Variants in GARIN2 observed in about 807,000 individuals in gnomAD.
The protein encoded by GARIN2 is golgi associated RAB2 interactor family member 2.
the GARIN2 span, chr14:67,198,087 T>C: frequency 6.6e-7 from 1 of 1,524,116 alleles, no homozygotes; most frequent in Non-Finnish European, 8.8e-7. Flanking sequence ...AACTTAATTA[T>C]GATATTAAAT....
the GARIN2 span, among the ~76,000 whole-genome samples, chr14:67,195,051 G>A: frequency 6.6e-6 from 1 of 152,186 alleles, no homozygotes. Context: ...GGGGTGAGGG[G>A]TGTAGTGCAC....
the GARIN2 span, chr14:67,221,915 C>T: frequency 7.3e-7 from 1 of 1,367,370 alleles, no homozygotes; most frequent in East Asian, 2.4e-5. Flanking sequence ...TTCAGCTAGA[C>T]TTTTTGATGC....
At chr14:67,208,141 A>C in the GARIN2 span, 6 of 1,593,910 alleles carry the variant, frequency 3.8e-6, no homozygotes, top group Middle Eastern at 2.1e-4. Context: ...ACTGTTCCAC[A>C]AACACCTATT....
the GARIN2 span, among the ~76,000 whole-genome samples, chr14:67,227,145 G>GA: frequency 6.6e-6 from 1 of 152,022 alleles, no homozygotes. Flanking sequence ...TTATTAAATT[G>GA]AAAAATTTGC....
the GARIN2 span, chr14:67,225,315 C>G: frequency 1.5e-4 from 194 of 1,284,400 alleles, no homozygotes; most frequent in African/African-American, 2.8e-3. Flanking sequence ...AGCTATGATA[C>G]TGTCACACAA....
At chr14:67,212,033 AACC>A in the GARIN2 span, among the ~76,000 whole-genome samples, 1 of 152,140 alleles carries the variant, frequency 6.6e-6, no homozygotes, top group Non-Finnish European at 1.5e-5. Context: ...ATGTAATCTT[AACC>A]ACTGTGAAGA....
the GARIN2 span, among the ~76,000 whole-genome samples, chr14:67,219,176 A>G: frequency 6.6e-6 from 1 of 152,176 alleles, no homozygotes; most frequent in Non-Finnish European, 1.5e-5. Flanking sequence ...AGCAACTCCC[A>G]AAACTAGGCT....
At chr14:67,221,707 A>G in the GARIN2 span, 13 of 1,581,848 alleles carry the variant, frequency 8.2e-6, no homozygotes, top group African/African-American at 1.1e-4. Flanking sequence ...GTTATTTTAT[A>G]TCTAGTAGAT....
the GARIN2 span, among the ~76,000 whole-genome samples, chr14:67,222,821 G>A: frequency 2.0e-5 from 3 of 151,710 alleles, no homozygotes; most frequent in African/African-American, 7.3e-5. Context: ...AGAACACTAT[G>A]GAAGGAACAT....
chr14:67,199,127 G>A, the GARIN2 span: 1 of 1,410,862 alleles, frequency 7.1e-7, no homozygotes, highest in Non-Finnish European at 1.0e-6. Flanking sequence ...GCCTGAATGA[G>A]AAGGTTAGTG....
At chr14:67,210,223 C>T in the GARIN2 span, among the ~76,000 whole-genome samples, 1 of 152,042 alleles carries the variant, frequency 6.6e-6, no homozygotes, top group African/African-American at 2.4e-5. Flanking sequence ...AATGGCTAAC[C>T]AGGAAATAGT....
At chr14:67,203,400 C>A in the GARIN2 span, 1 of 855,736 alleles carries the variant, frequency 1.2e-6, no homozygotes, top group Non-Finnish European at 1.7e-6. Context: ...GAGCATGTTA[C>A]TCGCACTCCC....
the GARIN2 span, among the ~76,000 whole-genome samples, chr14:67,193,187 CATCT>C: frequency 2.7e-3 from 331 of 121,154 alleles, 1 homozygote; most frequent in Non-Finnish European, 3.0e-3. Flanking sequence ...TCTATATAGA[CATCT>C]ATCTATATAT....
the GARIN2 span, among the ~76,000 whole-genome samples, chr14:67,225,696 C>T: frequency 6.6e-6 from 1 of 152,126 alleles, no homozygotes; most frequent in Non-Finnish European, 1.5e-5. Context: ...CTTGTACACA[C>T]CATACACACT....
At chr14:67,213,788 A>G in the GARIN2 span, among the ~76,000 whole-genome samples, 1 of 152,220 alleles carries the variant, frequency 6.6e-6, no homozygotes, top group Admixed American at 6.5e-5. Flanking sequence ...CCAATAGTGT[A>G]AAAGTGTTCC....
chr14:67,213,095 G>GTTTTT, the GARIN2 span, among the ~76,000 whole-genome samples: 1 of 135,682 alleles, frequency 7.4e-6, no homozygotes, highest in African/African-American at 2.6e-5. Context: ...ATTCTGTGGT[G>GTTTTT]TTTTTTTTTT....
the GARIN2 span, chr14:67,199,295 C>G: frequency 6.2e-6 from 10 of 1,603,900 alleles, no homozygotes; most frequent in Non-Finnish European, 8.5e-6. Flanking sequence ...CATGATCAGA[C>G]TCTATGGGAA....
At chr14:67,208,462 G>A in the GARIN2 span, 1 of 1,605,442 alleles carries the variant, frequency 6.2e-7, no homozygotes, top group Non-Finnish European at 8.5e-7. Context: ...ATGTGAGGCA[G>A]GAACATGCCA....
the GARIN2 span, among the ~76,000 whole-genome samples, chr14:67,205,665 T>C: frequency 5.9e-5 from 9 of 152,268 alleles, no homozygotes; most frequent in African/African-American, 2.2e-4. Flanking sequence ...TAGAGAATAA[T>C]ATATGTGGAG....
Sources: gnomAD v4.1 joint callset for allele counts (sites outside exome capture counted in the v4.1 genomes callset) on GRCh38, gnomAD v4.1.1 for gene constraint, MANE v1.5 for transcripts, NCBI Gene and HGNC (gene_info 2026-07-23, HGNC 2026-07-21) for gene names.